SBF2: variants seen among roughly 807,000 people sequenced by gnomAD.
SBF2 encodes the protein SET binding factor 2.
Under a neutral mutation model 225.2 loss-of-function variants are expected in SBF2, and 112 were observed. The ratio of observed to expected loss-of-function variants is 0.50; its 90% CI spans 0.43 to 0.58. The LOEUF is 0.58. Ranked by LOEUF, SBF2 falls within the 20% of genes least tolerant of loss-of-function variation. The pLI, the probability that SBF2 is intolerant of heterozygous loss-of-function variation, is 0.00. For missense variants in SBF2, 1,996 were observed against 2,206.2 expected (o/e 0.90, Z 1.91); for synonymous variants, 763 against 773.3 (o/e 0.99, Z 0.22).
intron 17 of SBF2, among the ~76,000 whole-genome samples, chr11:9,890,370 T>C (rs1019129642): frequency 1.3e-5 from 2 of 152,226 alleles, no homozygotes; most frequent in African/African-American, 4.8e-5. Context: ...AATAATCTTC[T>C]TCAAACAAAT....
At chr11:10,071,277 T>C (rs554262735) in intron 2 of SBF2, among the ~76,000 whole-genome samples, 1 of 147,508 alleles carries the variant, frequency 6.8e-6, no homozygotes, top group African/African-American at 2.5e-5. Context: ...TTTTTTTTTT[T>C]TTTTTTTGAG....
intron 28 of SBF2, chr11:9,828,610 T>C (rs1007255956): frequency 1.0e-6 from 1 of 985,270 alleles, no homozygotes. Flanking sequence ...ACATGAACCC[T>C]TTGGGGTTCC....
At chr11:9,926,330 T>C (rs1864043865) in intron 16 of SBF2, among the ~76,000 whole-genome samples, 1 of 145,586 alleles carries the variant, frequency 6.9e-6, no homozygotes, top group African/African-American at 2.5e-5. Context: ...AAAAATTGTC[T>C]TTTTTTTTTT....
At chr11:10,150,671 C>T (rs544286138) in intron 2 of SBF2, among the ~76,000 whole-genome samples, 4 of 152,174 alleles carry the variant, frequency 2.6e-5, no homozygotes, top group South Asian at 2.1e-4. Flanking sequence ...AACTCTTTAT[C>T]GACAAATAAC....
intron 16 of SBF2, chr11:9,961,213 TA>T (rs1205831892): frequency 6.6e-6 from 1 of 152,226 alleles, no homozygotes; most frequent in Non-Finnish European, 1.5e-5. Context: ...TAAATTTGAT[TA>T]ATTATATCCT....
intron 2 of SBF2, among the ~76,000 whole-genome samples, chr11:10,133,617 C>T (rs1954203293): frequency 6.9e-6 from 1 of 144,674 alleles, no homozygotes; most frequent in South Asian, 2.2e-4. Flanking sequence ...CCCACCAAGC[C>T]CACGCCCACC....
In SBF2 at chr11:10,261,392, C is replaced by T. The variant is rs183460023; in HGVS notation, c.55+32623G>A. Among the ~76,000 whole-genome samples the T allele has an allele frequency of 4.5e-4, 69 of 152,114 alleles. 1 individual carries two copies. Among genetic ancestry groups the T allele is most frequent in the African/African-American group, 1.4e-3 (60 of 41,518 alleles). Reference sequence around the variant, plus strand: ...TTATTTTTATATTTTTTGTGGAGAGCGGGTTTTGCCATGTTGCCCAAGCTG... The same window carrying T: ...TTATTTTTATATTTTTTGTGGAGAGTGGGTTTTGCCATGTTGCCCAAGCTG... On this transcript the variant is annotated intron_variant, in intron 1 of 39. Transcript: ENST00000256190.
At chr11:10,069,505 C>A (rs1645341316) in intron 2 of SBF2, among the ~76,000 whole-genome samples, 1 of 152,166 alleles carries the variant, frequency 6.6e-6, no homozygotes, top group Non-Finnish European at 1.5e-5. Context: ...TTTTTTATGG[C>A]TGCATAGTAT....
intron 2 of SBF2, among the ~76,000 whole-genome samples, chr11:10,065,443 G>A (rs549428350): frequency 9.9e-5 from 15 of 152,012 alleles, no homozygotes; most frequent in Admixed American, 3.3e-4. Flanking sequence ...AGTAGACACA[G>A]TAATAAAAAA....
intron 8 of SBF2, among the ~76,000 whole-genome samples, chr11:9,999,748 C>T (rs916784669): frequency 6.6e-6 from 1 of 151,812 alleles, no homozygotes; most frequent in African/African-American, 2.4e-5. Flanking sequence ...ACAGTGATAC[C>T]AAAATTAAAT....
At chr11:10,146,530 T>C (rs1954894689) in intron 2 of SBF2, among the ~76,000 whole-genome samples, 1 of 152,082 alleles carries the variant, frequency 6.6e-6, no homozygotes, top group African/African-American at 2.4e-5. Context: ...ATGCAGAAAA[T>C]TGAAACTGGA....
At chr11:10,194,315 T>C (rs1161323723) in intron 1 of SBF2, among the ~76,000 whole-genome samples, 2 of 152,170 alleles carry the variant, frequency 1.3e-5, no homozygotes, top group Non-Finnish European at 2.9e-5. Context: ...ACCATTTTCA[T>C]TGTATTAGGT....
At chr11:10,135,050 C>G (rs1451090375) in intron 2 of SBF2, among the ~76,000 whole-genome samples, 1 of 152,254 alleles carries the variant, frequency 6.6e-6, no homozygotes, top group East Asian at 1.9e-4. Context: ...TTCCACACAT[C>G]TTCTGAAACC....
At chr11:10,274,305 C>T (rs1212236527) in intron 1 of SBF2, among the ~76,000 whole-genome samples, 2 of 152,054 alleles carry the variant, frequency 1.3e-5, no homozygotes, top group African/African-American at 4.8e-5. Flanking sequence ...TGTTCAGGTA[C>T]CTAGAACTAA....
At chr11:10,025,791 G>C (rs1337981544) in intron 6 of SBF2, among the ~76,000 whole-genome samples, 3 of 152,038 alleles carry the variant, frequency 2.0e-5, no homozygotes, top group Non-Finnish European at 4.4e-5. Context: ...AGTAGAGATG[G>C]GGTGTCAGCG....
At chr11:10,241,715 T>C (rs956268526) in intron 1 of SBF2, among the ~76,000 whole-genome samples, 19 of 151,992 alleles carry the variant, frequency 1.3e-4, no homozygotes, top group African/African-American at 3.9e-4. Context: ...CGAAACTGGC[T>C]CAAGAAACTG....
Position 9,853,542 on chromosome 11 carries a change from G to A in SBF2, c.2534C>T (p.Pro845Leu). The A allele has an allele frequency of 6.2e-7, 1 of 1,613,054 alleles. No homozygotes were observed. The highest frequency in any genetic ancestry group is 8.5e-7 in the Non-Finnish European group (1 of 1,179,144). ...DHIKSLHCMI[P>L]GIVAMHIETL... The stretch of plus-strand genomic sequence containing the variant: ...TCTAATATCTGCAGAGTGATTACCT[G>A]GTATCATGCAATGAAGGCTCTTGAT... Residue 845 changes from proline (P) to leucine (L), a missense_variant and splice_region_variant, in exon 20 of 40, where the codon CCA becomes CTA. By Grantham distance (98) the Pro-to-Leu change is moderately conservative. Transcript: ENST00000256190.
At chr11:10,179,946 A>C (rs1249286079) in intron 2 of SBF2, among the ~76,000 whole-genome samples, 1 of 152,196 alleles carries the variant, frequency 6.6e-6, no homozygotes, top group Non-Finnish European at 1.5e-5. Flanking sequence ...TTTAATGACA[A>C]GTTAACACTA....
chr11:10,085,803 CCTGT>C (rs202117035), intron 2 of SBF2, among the ~76,000 whole-genome samples: 46 of 152,120 alleles, frequency 3.0e-4, no homozygotes, highest in Admixed American at 2.2e-3. Flanking sequence ...CCTGCTCATA[CCTGT>C]CTGTCTTTGT....
Sources: gnomAD v4.1 joint callset for allele counts (sites outside exome capture counted in the v4.1 genomes callset) on GRCh38, gnomAD v4.1.1 for gene constraint, MANE v1.5 for transcripts, NCBI Gene and HGNC (gene_info 2026-07-23, HGNC 2026-07-21) for gene names.